Variants in ANKRD28 observed in about 807,000 individuals in gnomAD.
The protein encoded by ANKRD28 is serine/threonine-protein phosphatase 6 regulatory ankyrin repeat subunit A.
A neutral mutation model predicts 126.5 loss-of-function variants in ANKRD28; 44 were observed. The observed-to-expected ratio is 0.35, with a 90% CI of 0.27 to 0.45. The LOEUF (loss-of-function observed/expected upper bound fraction) is 0.45, where lower values mean the gene tolerates loss of function less well. ANKRD28 is among the 20% of genes least tolerant of loss of function. The pLI, the probability that ANKRD28 is intolerant of heterozygous loss-of-function variation, is 1.00. For synonymous variants in ANKRD28, 442 were observed against 468.5 expected, an observed-to-expected ratio of 0.94 and a Z score of 0.73; for missense variants, 1,110 against 1,316.6, an observed-to-expected ratio of 0.84 and a Z score of 2.43.
chr3:15,811,198 T>C (rs2060703884), intron 1 of ANKRD28, among the ~76,000 whole-genome samples: 1 of 152,188 alleles, frequency 6.6e-6, no homozygotes, highest in South Asian at 2.1e-4. Context: ...CTGTTTTATT[T>C]TGATCTTTAA....
chr3:15,752,161 A>C (rs977540938), intron 3 of ANKRD28, among the ~76,000 whole-genome samples: 1 of 152,190 alleles, frequency 6.6e-6, no homozygotes, highest in Admixed American at 6.5e-5. Context: ...ATAAATGAAT[A>C]TAAGAATATA....
At position 15,845,307 on chromosome 3, in the gene ANKRD28, A is replaced by G. The variant is rs1258801877; in HGVS notation, c.27+14070T>C. Among the ~76,000 whole-genome samples the G allele has an allele frequency of 8.2e-5, 2 of 24,264 alleles. No individual in the cohort carries two copies. Among genetic ancestry groups the G allele is most frequent in the Admixed American group, 6.7e-4 (1 of 1,498 alleles). The allele number at this position is 24,264 out of a possible 152,430, so 15.9% of individuals were successfully genotyped here. A position where few individuals can be genotyped will look rare whatever the true frequency, so the allele number is the denominator to read the frequency against. On this transcript the variant is annotated intron_variant, in intron 1 of 27. Transcript: ENST00000399451. This position sits in a 1 kb window ranked among gnomAD's most constrained non-coding sequence, Gnocchi z 4.9. ...ATACACAATCTTCCAGAACATTTCTAAAGTATATATATATATATATTCCAT... is the reference window on the plus strand; with the variant it reads ...ATACACAATCTTCCAGAACATTTCTGAAGTATATATATATATATATTCCAT...
chr3:15,746,386 T>A (rs1409577004), intron 4 of ANKRD28, among the ~76,000 whole-genome samples: 1 of 152,182 alleles, frequency 6.6e-6, no homozygotes, highest in Non-Finnish European at 1.5e-5. Flanking sequence ...ATGTCCCTTC[T>A]ATGCTGATGT....
intron 14 of ANKRD28, among the ~76,000 whole-genome samples, chr3:15,701,043 A>C (rs1428421044): frequency 6.6e-6 from 1 of 152,210 alleles, no homozygotes; most frequent in Non-Finnish European, 1.5e-5. Flanking sequence ...AAAATTCTTT[A>C]ATCAAATACT....
intron 14 of ANKRD28, among the ~76,000 whole-genome samples, chr3:15,704,219 A>C (rs956209847): frequency 2.0e-5 from 3 of 152,116 alleles, no homozygotes; most frequent in Non-Finnish European, 4.4e-5. Flanking sequence ...AAGACACTTC[A>C]GAGGACTTGC....
At chr3:15,739,490 T>A (rs2125176475) in intron 4 of ANKRD28, among the ~76,000 whole-genome samples, 1 of 152,186 alleles carries the variant, frequency 6.6e-6, no homozygotes, top group African/African-American at 2.4e-5. Context: ...CCGAAAGAGA[T>A]CTGGGTTCTC....
At chr3:15,837,970 G>A (rs2061357864) in intron 1 of ANKRD28, among the ~76,000 whole-genome samples, 1 of 148,606 alleles carries the variant, frequency 6.7e-6, no homozygotes, top group Non-Finnish European at 1.5e-5. Context: ...CGAACTCAGA[G>A]GAATTAAAAG....
At chr3:15,852,572 G>A (rs1035416203) in intron 1 of ANKRD28, among the ~76,000 whole-genome samples, 1 of 152,110 alleles carries the variant, frequency 6.6e-6, no homozygotes, top group Non-Finnish European at 1.5e-5. Context: ...GGTGGCTCAC[G>A]CCTGTAATCC....
At position 15,705,089 on chromosome 3, in the gene ANKRD28, C is replaced by A. The variant is rs146376751; in HGVS notation, c.1547+2835G>T. 2.8e-3 allele frequency among the ~76,000 whole-genome samples: 428 copies of A among 152,204 alleles called. 2 individuals carry two copies. Among genetic ancestry groups the A allele is most frequent in the Middle Eastern group, 0.01 (3 of 294 alleles). On this transcript the variant is annotated intron_variant, in intron 14 of 27. Coordinates refer to ENST00000683139, the MANE Select transcript of ANKRD28 (RefSeq NM_001349278.2). ...ACTCCAAGATTTAAATTGGGTCTTT[C>A]GGATCCCAAGTATCAAGCCTGATAC...
chr3:15,681,017 T>G (rs2067484359), intron 21 of ANKRD28, among the ~76,000 whole-genome samples: 1 of 152,176 alleles, frequency 6.6e-6, no homozygotes, highest in Non-Finnish European at 1.5e-5. Flanking sequence ...CCTACCAAAG[T>G]GATATTGCTG....
chr3:15,829,495 CT>C (rs1451136439), intron 1 of ANKRD28, among the ~76,000 whole-genome samples: 2 of 152,056 alleles, frequency 1.3e-5, no homozygotes, highest in Non-Finnish European at 2.9e-5. Context: ...GCTTTTAGTA[CT>C]TTTTTCACAT....
chr3:15,736,999 G>A (rs1289360175), intron 5 of ANKRD28, 34 bp downstream of exon 5: 2 of 1,604,240 alleles, frequency 1.2e-6, no homozygotes, highest in East Asian at 2.2e-5. Context: ...GACAGGAGGA[G>A]AGAAAAATAA....
In ANKRD28 at chr3:15,797,454, A is replaced by G. The variant is rs1488439082; in HGVS notation, c.-933T>C. On this transcript the variant is annotated 5_prime_UTR_variant, in exon 1 of 28. Coordinates refer to ENST00000683139, the MANE Select transcript of ANKRD28 (RefSeq NM_001349278.2). ...GCTCCAGCAAAAGGGCACAGGCACC[A>G]GGCAGAAATGGTGTTAGTGGAGAAT... The G allele has an allele frequency of 4.1e-6, 4 of 985,426 alleles. No individual in the cohort carries two copies. In the East Asian group the frequency reaches 4.5e-4, roughly 112 times the overall value. 61.0% of individuals were successfully genotyped at this position (985,426 alleles called of 1,614,324 possible).
intron 1 of ANKRD28, among the ~76,000 whole-genome samples, chr3:15,857,446 G>T (rs372980912): frequency 9.2e-4 from 140 of 152,272 alleles, no homozygotes; most frequent in African/African-American, 3.3e-3. Context: ...CACCACACCA[G>T]ACTAATTTTT....
chr3:15,716,478 G>T (rs763477287), intron 8 of ANKRD28, among the ~76,000 whole-genome samples: 1 of 151,520 alleles, frequency 6.6e-6, no homozygotes, highest in East Asian at 2.0e-4. Flanking sequence ...TGTAGAGATG[G>T]TCTCTAAGTT....
In ANKRD28 at chr3:15,817,171, C is replaced by T. The variant is rs1382709779; in HGVS notation, c.28-21865G>A. Among the ~76,000 whole-genome samples the T allele has an allele frequency of 6.6e-6, 1 of 152,190 alleles. No individual in the cohort carries two copies. The highest frequency in any genetic ancestry group is 1.5e-5 in the Non-Finnish European group (1 of 68,022). ...TCATTTCATCAGTATGTCCACTCTA[C>T]GATTTTCCTTAACATGTAACAGTGA... On this transcript the variant is annotated intron_variant, in intron 1 of 27. Transcript: ENST00000399451. The surrounding 1 kb of genome is among the most constrained non-coding windows in gnomAD (Gnocchi z 4.5).
intron 9 of ANKRD28, 71 bp downstream of exon 9, chr3:15,714,507 T>C: frequency 9.1e-7 from 1 of 1,100,626 alleles, no homozygotes; most frequent in Non-Finnish European, 1.3e-6. Context: ...ACCATTCATT[T>C]GGTGGATGTT....
chr3:15,740,808 C>A (rs571239692), intron 4 of ANKRD28, among the ~76,000 whole-genome samples: 19 of 152,216 alleles, frequency 1.2e-4, no homozygotes, highest in Middle Eastern at 6.8e-3. Context: ...TAAGTGGGCA[C>A]CTAAATAAGA....
chr3:15,798,820 G>A (rs1043868145), upstream of ANKRD28, among the ~76,000 whole-genome samples: 5 of 151,920 alleles, frequency 3.3e-5, no homozygotes, highest in African/African-American at 9.7e-5. Context: ...TTTCTCAAGA[G>A]AAAACTTACA....
Sources: gnomAD v4.1 joint callset for allele counts (sites outside exome capture counted in the v4.1 genomes callset) on GRCh38, gnomAD v4.1.1 for gene constraint, Gnocchi (gnomAD v3.1) non-coding constraint, MANE v1.5 for transcripts, NCBI Gene and HGNC (gene_info 2026-07-23, HGNC 2026-07-21) for gene names.